Variants in LURAP1 observed in about 807,000 individuals in gnomAD.
The protein encoded by LURAP1 is NF-kappa-B activator C1orf190.
LURAP1 carries 14 observed loss-of-function variants against 19.0 expected under a neutral mutation model. The ratio of observed to expected loss-of-function variants is 0.74; its 90% CI spans 0.49 to 1.15. The LOEUF is 1.15. LURAP1 is among the 50% of genes most tolerant of loss of function. The probability of loss-of-function intolerance (pLI) is 0.00; values close to 1 mark genes in which losing one functional copy is unlikely to be tolerated. For missense variants in LURAP1, 273 were observed against 309.1 expected, an observed-to-expected ratio of 0.88 and a Z score of 0.87; for synonymous variants, 129 against 131.8, an observed-to-expected ratio of 0.98 and a Z score of 0.14.
chr1:46,214,282 G>T (rs553532373), intron 1 of LURAP1, among the ~76,000 whole-genome samples: 1 of 151,578 alleles, frequency 6.6e-6, no homozygotes. Flanking sequence ...GGAGGTAGAG[G>T]TTGCAGTGAG....
intron 1 of LURAP1, among the ~76,000 whole-genome samples, chr1:46,210,941 ATT>A (rs34921411): frequency 9.7e-5 from 13 of 134,414 alleles, no homozygotes; most frequent in Non-Finnish European, 9.6e-5. Context: ...CACTCACCTA[ATT>A]TTTTTTTTTT....
At chr1:46,210,167 A>C (rs1362701836) in intron 1 of LURAP1, among the ~76,000 whole-genome samples, 1 of 152,178 alleles carries the variant, frequency 6.6e-6, no homozygotes, top group Non-Finnish European at 1.5e-5. Context: ...CATTTGTTCA[A>C]TTGAATTAGA....
At chr1:46,215,070 C>CA (rs1335427143) in intron 1 of LURAP1, among the ~76,000 whole-genome samples, 6 of 151,488 alleles carry the variant, frequency 4.0e-5, no homozygotes, top group African/African-American at 1.5e-4. Context: ...ACTAAAGATA[C>CA]AAAAAATTAG....
At chr1:46,218,569 G>A (rs1265639127) in intron 1 of LURAP1, among the ~76,000 whole-genome samples, 4 of 152,158 alleles carry the variant, frequency 2.6e-5, no homozygotes, top group Admixed American at 6.5e-5. Flanking sequence ...AGAGGAGGGC[G>A]GAGTTCCCTG....
In LURAP1 at chr1:46,203,462, G is replaced by T. The variant is rs967335548; in HGVS notation, c.36G>T (p.Leu12=). Residue 12 remains leucine, a synonymous_variant, in exon 1 of 2, where the codon CTG becomes CTT. Transcript: ENST00000371980. The stretch of plus-strand genomic sequence containing the variant: ...CCGTGGAGTCCCAGACGCCTGACCT[G>T]CGGGATGTGGAGGGTAAGGTGGGCA... ...EGTVESQTPD[L]RDVEGKVGRK... is the part of the protein sequence containing the mutation. 4 of 1,505,646 alleles carry T rather than the reference G, an allele frequency of 2.7e-6. No homozygotes were observed. In the Admixed American group the frequency reaches 6.7e-5, roughly 25 times the overall value. The allele number at this position is 1,505,646 out of a possible 1,614,324, so 93.3% of individuals were successfully genotyped here.
At chr1:46,218,395 T>C (rs1659129863) in intron 1 of LURAP1, among the ~76,000 whole-genome samples, 3 of 152,098 alleles carry the variant, frequency 2.0e-5, no homozygotes, top group Admixed American at 1.3e-4. Flanking sequence ...CAAAAAATAA[T>C]AATAAAAGTA....
intron 1 of LURAP1, among the ~76,000 whole-genome samples, chr1:46,210,970 G>A (rs1443098043): frequency 6.7e-6 from 1 of 148,226 alleles, no homozygotes; most frequent in Non-Finnish European, 1.5e-5. Context: ...GGTAGAGACA[G>A]GGTTTCCCTG....
At chr1:46,216,289 A>G (rs1016235904) in intron 1 of LURAP1, among the ~76,000 whole-genome samples, 5 of 151,102 alleles carry the variant, frequency 3.3e-5, no homozygotes, top group African/African-American at 7.3e-5. Context: ...CTCGTGATCC[A>G]CCCGCCTCGG....
Position 46,220,250 on chromosome 1 carries a change from G to T in LURAP1, c.*30G>T. ...TATTCCACCCTTTTGTAATCCTGTGGCTCTTTTATCCATTAGATGTGGTCT... is the reference window on the plus strand; with the variant it reads ...TATTCCACCCTTTTGTAATCCTGTGTCTCTTTTATCCATTAGATGTGGTCT... On this transcript the variant is annotated 3_prime_UTR_variant, in exon 2 of 2. Coordinates refer to ENST00000371980, the MANE Select transcript of LURAP1 (RefSeq NM_001013615.3). 6.4e-7 allele frequency: 1 copy of T among 1,564,908 alleles called. No individual in the cohort carries two copies.
At position 46,203,605 on chromosome 1, in the gene LURAP1, T is replaced by C. The variant is rs1431666612; in HGVS notation, c.179T>C (p.Met60Thr). 2 of 1,598,704 alleles carry C rather than the reference T, an allele frequency of 1.3e-6. No individual in the cohort carries two copies. Among genetic ancestry groups the C allele is most frequent in the African/African-American group, 1.4e-5 (1 of 73,666 alleles). ...GGCCACGACTTGGGGGACAAGATCA[T>C]GGCGCTGAAGATGGAGCTGGTGAGT... Reference protein sequence around the residue: ...STGHDLGDKIMALKMELAYLR... With the variant: ...STGHDLGDKITALKMELAYLR... The change falls in exon 1 of 2, where the codon ATG (methionine) becomes ACG (threonine). Residue 60 changes from methionine to threonine, a missense_variant. Met to Thr is a moderately conservative substitution (Grantham distance 81, BLOSUM62 -1). Transcript: ENST00000371980.
chr1:46,203,663 A>C lies in LURAP1; in HGVS notation c.198+39A>C. On this transcript the variant is annotated intron_variant, in intron 1 of 1. Transcript: ENST00000371980. ...CCATGGGCCAAGGGGACGAGTCCCT[A>C]GTGTAGGGCCGGGAGGGACGAACTC... is the stretch of plus-strand genomic sequence containing the variant. 3.8e-6 allele frequency: 6 copies of C among 1,576,650 alleles called. No homozygotes were observed. In the South Asian group the frequency reaches 4.5e-5, roughly 12 times the overall value.
In LURAP1 at chr1:46,220,055, G is replaced by A; in HGVS notation, c.555G>A (p.Val185=). Residue 185 remains valine, a synonymous_variant, in exon 2 of 2, where the codon GTG becomes GTA. Transcript: ENST00000371980. ...GTGGAGAGAGGGCCAGGACTGAGGTGGATGTGGCAGCCACCAGGCTAGGGA... is the reference window on the plus strand; with the variant it reads ...GTGGAGAGAGGGCCAGGACTGAGGTAGATGTGGCAGCCACCAGGCTAGGGA... ...IAGGERARTE[V]DVAATRLGSL... 2 of 1,614,258 alleles carry A rather than the reference G, an allele frequency of 1.2e-6. No individual in the cohort carries two copies. The highest frequency in any genetic ancestry group is 1.7e-6 in the Non-Finnish European group (2 of 1,180,044).
At chr1:46,216,043 CTTTTTT>C (rs141982741) in intron 1 of LURAP1, among the ~76,000 whole-genome samples, 37 of 92,548 alleles carry the variant, frequency 4.0e-4, no homozygotes, top group Admixed American at 1.5e-3. Flanking sequence ...TTTATTTTAT[CTTTTTT>C]TTTTTTTTTT....
intron 1 of LURAP1, among the ~76,000 whole-genome samples, chr1:46,216,665 G>T (rs189572197): frequency 6.4e-4 from 97 of 152,158 alleles, no homozygotes; most frequent in Middle Eastern, 3.4e-3. Context: ...AGATTCGGAG[G>T]GGGGTACCTG....
At position 46,220,611 on chromosome 1, in the gene LURAP1, A is replaced by AT. The variant is rs548676957; in HGVS notation, c.*401dup. On this transcript the variant is annotated 3_prime_UTR_variant, in exon 2 of 2. Coordinates refer to ENST00000371980, the MANE Select transcript of LURAP1 (RefSeq NM_001013615.3). Reference sequence around the variant, plus strand: ...TGCCCAGCTAATTGTTTATTTATTTATTTTTTTTTTGTAGAGATAGGGTTT... The same window carrying AT: ...TGCCCAGCTAATTGTTTATTTATTTATTTTTTTTTTTGTAGAGATAGGGTTT... The AT allele has an allele frequency of 4.3e-3, 649 of 152,046 alleles. 12 individuals are homozygous for AT. In the East Asian group the frequency reaches 0.044, roughly 10 times the overall value. 9.4% of individuals were successfully genotyped at this position (152,046 alleles called of 1,614,324 possible). A position where few individuals can be genotyped will look rare whatever the true frequency, so the allele number is the denominator to read the frequency against.
Position 46,220,649 on chromosome 1 carries a change from C to T in LURAP1, c.*429C>T, listed in dbSNP as rs1659210413. On this transcript the variant is annotated 3_prime_UTR_variant, in exon 2 of 2. Transcript: ENST00000371980. ...AGAGATAGGGTTTCCCTGTGTTGCCCAGGCTGGTCTCAAACTCCTGGGCTC... is the reference window on the plus strand; with the variant it reads ...AGAGATAGGGTTTCCCTGTGTTGCCTAGGCTGGTCTCAAACTCCTGGGCTC... 6.4e-6 allele frequency: 1 copy of T among 155,756 alleles called. No individual in the cohort carries two copies. The highest frequency in any genetic ancestry group is 1.4e-5 in the Non-Finnish European group (1 of 70,652). 9.6% of individuals were successfully genotyped at this position (155,756 alleles called of 1,614,324 possible). A position where few individuals can be genotyped will look rare whatever the true frequency, so the allele number is the denominator to read the frequency against.
chr1:46,211,881 C>T (rs1658908152), intron 1 of LURAP1, among the ~76,000 whole-genome samples: 1 of 152,154 alleles, frequency 6.6e-6, no homozygotes, highest in African/African-American at 2.4e-5. Flanking sequence ...CCTGCCTCAG[C>T]CTCCTGAGTA....
At chr1:46,210,189 C>A (rs1156889480) in intron 1 of LURAP1, among the ~76,000 whole-genome samples, 1 of 152,134 alleles carries the variant, frequency 6.6e-6, no homozygotes, top group Non-Finnish European at 1.5e-5. Flanking sequence ...TTGTGATATT[C>A]TTCCAAAAAC....
intron 1 of LURAP1, among the ~76,000 whole-genome samples, chr1:46,218,355 T>C (rs1659128486): frequency 1.3e-5 from 2 of 152,196 alleles, no homozygotes; most frequent in South Asian, 4.1e-4. Flanking sequence ...CACTGCACTC[T>C]AGCCTGAGTG....
Sources: gnomAD v4.1 joint callset for allele counts (sites outside exome capture counted in the v4.1 genomes callset) on GRCh38, gnomAD v4.1.1 for gene constraint, MANE v1.5 for transcripts, NCBI Gene and HGNC (gene_info 2026-07-23, HGNC 2026-07-21) for gene names.